ZNF461: variants seen among roughly 807,000 people sequenced by gnomAD.
ZNF461 encodes gonadotropin-inducible ovarian transcription factor-1.
A neutral mutation model predicts 18.3 loss-of-function variants in ZNF461; 16 were observed. That is an observed-to-expected ratio of 0.88 (90% CI 0.59 to 1.33). The LOEUF (loss-of-function observed/expected upper bound fraction) is 1.33, where lower values mean the gene tolerates loss of function less well. Ranked by LOEUF, ZNF461 falls within the 40% of genes most tolerant of loss-of-function variation. ZNF461 has a pLI of 0.00. For missense variants in ZNF461, 595 were observed against 669.9 expected, an observed-to-expected ratio of 0.89 and a Z score of 1.23; for synonymous variants, 179 against 216.9, an observed-to-expected ratio of 0.83 and a Z score of 1.54.
intron 2 of ZNF461, among the ~76,000 whole-genome samples, chr19:36,658,732 T>A (rs2037768491): frequency 6.6e-6 from 1 of 152,224 alleles, no homozygotes; most frequent in South Asian, 2.1e-4. Context: ...AACTTTTAAA[T>A]CTTTCCAAAA....
At chr19:36,665,041 C>T (rs1035346911) in intron 1 of ZNF461, among the ~76,000 whole-genome samples, 11 of 152,140 alleles carry the variant, frequency 7.2e-5, no homozygotes, top group African/African-American at 2.4e-4. Flanking sequence ...GTTAGGCCAG[C>T]CCATTGTCCC....
chr19:36,637,977 C>A lies in ZNF461; in HGVS notation c.*676G>T. ...AGATTTTAAAAAATAAATGTAATGT[C>A]AAAATATATACGCCAGATACTCTTT... On this transcript the variant is annotated 3_prime_UTR_variant, in exon 6 of 6. Coordinates refer to ENST00000588268, the MANE Select transcript of ZNF461 (RefSeq NM_153257.5). The A allele has an allele frequency of 3.3e-6, 1 of 304,972 alleles. No individual in the cohort carries two copies. 18.9% of individuals were successfully genotyped at this position (304,972 alleles called of 1,614,324 possible). A position where few individuals can be genotyped will look rare whatever the true frequency, so the allele number is the denominator to read the frequency against.
Position 36,656,530 on chromosome 19 carries a change from A to T in ZNF461, c.150T>A (p.Ser50=). The T allele has an allele frequency of 6.2e-7, 1 of 1,614,028 alleles. No individual in the cohort carries two copies. The highest frequency in any genetic ancestry group is 8.5e-7 in the Non-Finnish European group (1 of 1,179,896). ...CCAATGAGGAGATTACGGCTGGCTT[A>T]GAAACAGAAAGTCCTAGTTATAAGA... is the stretch of plus-strand genomic sequence containing the variant. ...SNLVSLGLSV[S]KPAVISSLEQ... is the part of the protein sequence containing the mutation. The change falls in exon 4 of 6, where the codon TCT becomes TCA. Residue 50 remains serine, a synonymous_variant. Transcript: ENST00000588268.
At chr19:36,658,927 C>T (rs1006624531) in intron 2 of ZNF461, among the ~76,000 whole-genome samples, 1 of 152,278 alleles carries the variant, frequency 6.6e-6, no homozygotes, top group South Asian at 2.1e-4. Flanking sequence ...TTCAGTGTAA[C>T]CTTGACATCC....
chr19:36,652,011 AAG>A (rs2037635473), intron 4 of ZNF461, among the ~76,000 whole-genome samples: 1 of 152,206 alleles, frequency 6.6e-6, no homozygotes, highest in Non-Finnish European at 1.5e-5. Flanking sequence ...AGAATGCAGA[AAG>A]AGAGCCACAC....
chr19:36,644,618 T>C (rs1345588906), intron 4 of ZNF461, among the ~76,000 whole-genome samples: 1 of 151,662 alleles, frequency 6.6e-6, no homozygotes. Flanking sequence ...TTTTTTGAGA[T>C]GGAGTCTTGC....
At chr19:36,646,250 C>A (rs369865838) in intron 4 of ZNF461, among the ~76,000 whole-genome samples, 1 of 152,116 alleles carries the variant, frequency 6.6e-6, no homozygotes, top group African/African-American at 2.4e-5. Context: ...CCTGCCTCAG[C>A]CTCCCCAGTA....
At chr19:36,645,771 C>T (rs1363571557) in intron 4 of ZNF461, among the ~76,000 whole-genome samples, 4 of 152,090 alleles carry the variant, frequency 2.6e-5, no homozygotes, top group Admixed American at 2.6e-4. Flanking sequence ...ACTCATCTTG[C>T]ATAACTGAAG....
At chr19:36,656,405 C>A (rs80340813) in intron 4 of ZNF461, 43 bp downstream of exon 4, 18,181 of 1,511,288 alleles carry the variant, frequency 0.012, 152 homozygotes, top group Non-Finnish European at 0.015. Context: ...TTCTGACCAG[C>A]TGGCCTGCTC....
In ZNF461 at chr19:36,639,612, A is replaced by G; in HGVS notation, c.733T>C (p.Cys245Arg). 1 of 1,613,506 alleles carries G rather than the reference A, an allele frequency of 6.2e-7. No homozygotes were observed. Among genetic ancestry groups the G allele is most frequent in the Non-Finnish European group, 8.5e-7 (1 of 1,179,580 alleles). Residue 245 changes from cysteine to arginine, a missense_variant, in exon 6 of 6, where the codon TGC becomes CGC. Physicochemically the swap from Cys to Arg is radical, Grantham distance 180. Coordinates refer to ENST00000588268, the MANE Select transcript of ZNF461 (RefSeq NM_153257.5). ...KQQTIQNGDK[C>R]NECKECWKAF... ...TTCCAACATTCTTTACACTCATTGC[A>G]TTTGTCACCATTTTGAATTGTCTGT...
At chr19:36,644,579 GTTTTT>G (rs199702922) in intron 4 of ZNF461, among the ~76,000 whole-genome samples, 1 of 148,422 alleles carries the variant, frequency 6.7e-6, no homozygotes, top group African/African-American at 2.5e-5. Context: ...AGTTTTTTGT[GTTTTT>G]TTTTGTTTTG....
At chr19:36,655,332 A>G (rs932148635) in intron 4 of ZNF461, among the ~76,000 whole-genome samples, 2 of 152,172 alleles carry the variant, frequency 1.3e-5, no homozygotes, top group African/African-American at 4.8e-5. Context: ...GGCTGGGCAC[A>G]GTGGTGTATG....
intron 4 of ZNF461, among the ~76,000 whole-genome samples, chr19:36,656,178 T>C (rs1453526462): frequency 1.3e-5 from 2 of 151,950 alleles, no homozygotes; most frequent in Admixed American, 6.6e-5. Flanking sequence ...TTTGTATTTT[T>C]AGTAGAGACG....
rs892384956 is a variant in ZNF461, at chr19:36,637,371, AT to A, written c.*1281del. 2.9e-4 allele frequency: 42 copies of A among 145,106 alleles called. 1 individual carries two copies. The highest frequency in any genetic ancestry group is 6.9e-3 in the Middle Eastern group (2 of 288). 9.0% of individuals were successfully genotyped at this position (145,106 alleles called of 1,614,324 possible). On this transcript the variant is annotated 3_prime_UTR_variant, in exon 6 of 6. Transcript: ENST00000588268. The stretch of plus-strand genomic sequence containing the variant: ...ACCACCACGCCCAGCTAATTTTTGT[AT>A]TTTTTTTTTAGTAGAGACGGGGTTT...
chr19:36,664,765 A>C lies in ZNF461; in HGVS notation c.-59T>G. 1.5e-6 allele frequency: 2 copies of C among 1,340,488 alleles called. No individual in the cohort carries two copies. Among genetic ancestry groups the C allele is most frequent in the Admixed American group, 5.7e-5 (2 of 35,256 alleles). 83.0% of individuals were successfully genotyped at this position (1,340,488 alleles called of 1,614,324 possible). ...CTCTTCTTCGTTCCCTCTGGAAGAA[A>C]CTCAATCCAAAGAAGGTGTTGCTGG... On this transcript the variant is annotated 5_prime_UTR_variant, in exon 2 of 6. Transcript: ENST00000588268.
chr19:36,644,064 C>T (rs910354448), intron 4 of ZNF461, among the ~76,000 whole-genome samples: 1 of 152,056 alleles, frequency 6.6e-6, no homozygotes, highest in African/African-American at 2.4e-5. Flanking sequence ...TCCCAAGTAG[C>T]TGGGATTACA....
intron 1 of ZNF461, among the ~76,000 whole-genome samples, chr19:36,665,625 C>T (rs566804066): frequency 1.4e-5 from 2 of 145,514 alleles, no homozygotes; most frequent in East Asian, 4.3e-4. Flanking sequence ...AGGAGAACTG[C>T]TTAAAACCCG....
chr19:36,649,340 T>G (rs911190168), intron 4 of ZNF461, among the ~76,000 whole-genome samples: 2 of 16,920 alleles, frequency 1.2e-4, no homozygotes, highest in Non-Finnish European at 2.1e-4. Context: ...TTATTTATGT[T>G]TTTTTTTGAG....
intron 3 of ZNF461, among the ~76,000 whole-genome samples, chr19:36,657,339 G>A (rs1217823126): frequency 6.6e-6 from 1 of 151,788 alleles, no homozygotes; most frequent in Non-Finnish European, 1.5e-5. Context: ...AAATTAGCTG[G>A]GCGTGGTGGC....
Sources: gnomAD v4.1 joint callset for allele counts (sites outside exome capture counted in the v4.1 genomes callset) on GRCh38, gnomAD v4.1.1 for gene constraint, MANE v1.5 for transcripts, NCBI Gene and HGNC (gene_info 2026-07-23, HGNC 2026-07-21) for gene names.